The following IPMK variants were observed in gnomAD, a reference collection of about 807,000 sequenced individuals.
IPMK encodes inositol 1,3,4,6-tetrakisphosphate 5-kinase.
Under a neutral mutation model 45.8 loss-of-function variants are expected in IPMK, and 17 were observed. The observed-to-expected ratio is 0.37, with a 90% CI of 0.25 to 0.56. The LOEUF (loss-of-function observed/expected upper bound fraction) is 0.56. Ranked by LOEUF, IPMK falls within the 20% of genes least tolerant of loss-of-function variation. The pLI is 0.79. For synonymous variants in IPMK, 180 were observed against 184.3 expected (o/e 0.98, Z 0.19); for missense variants, 399 against 498.0 (o/e 0.80, Z 1.89).
At chr10:58,234,037 C>A (rs538062323) in intron 2 of IPMK, among the ~76,000 whole-genome samples, 47 of 152,006 alleles carry the variant, frequency 3.1e-4, no homozygotes, top group Non-Finnish European at 5.6e-4. Flanking sequence ...AAACAGAGAG[C>A]CAAATCATGA....
At chr10:58,197,334 A>ATAC (rs1564526560) in intron 5 of IPMK, among the ~76,000 whole-genome samples, 1 of 147,648 alleles carries the variant, frequency 6.8e-6, no homozygotes, top group African/African-American at 2.6e-5. Context: ...TAAATACATA[A>ATAC]ATACATAAAC....
At chr10:58,255,454 C>A (rs1838950811) in intron 1 of IPMK, among the ~76,000 whole-genome samples, 2 of 152,120 alleles carry the variant, frequency 1.3e-5, no homozygotes, top group African/African-American at 4.8e-5. Context: ...GAAATGATTT[C>A]TCTTATCAGT....
intron 2 of IPMK, among the ~76,000 whole-genome samples, chr10:58,237,528 A>C (rs1838631793): frequency 6.6e-6 from 1 of 152,232 alleles, no homozygotes; most frequent in South Asian, 2.1e-4. Flanking sequence ...ACACAGAAGA[A>C]GAATCTAAGA....
rs1409188311 is a variant in IPMK at position 58,196,694 on chromosome 10, G to C, written c.633C>G (p.Val211=). The part of the protein sequence containing the change: ...SLTKETIKDG[V]SRFFHNGYCL... ...AGTACCCATTATGAAAAAATCTGGAGACTCCTATAAAAAGAAAAATATGAG... is the reference window on the plus strand; with the variant it reads ...AGTACCCATTATGAAAAAATCTGGACACTCCTATAAAAAGAAAAATATGAG... The change falls in exon 6 of 6, where the codon GTC becomes GTG. Residue 211 remains valine (V), a synonymous_variant. Coordinates refer to ENST00000373935, the MANE Select transcript of IPMK (RefSeq NM_152230.5). 1.3e-6 allele frequency: 2 copies of C among 1,565,530 alleles called. No homozygotes were observed.
intron 3 of IPMK, among the ~76,000 whole-genome samples, chr10:58,222,138 G>A (rs766352485): frequency 2.6e-5 from 4 of 152,048 alleles, no homozygotes; most frequent in Non-Finnish European, 5.9e-5. Flanking sequence ...TCCTACCTTC[G>A]CCTCCCAAAG....
chr10:58,202,562 G>T (rs1019566428), intron 4 of IPMK, among the ~76,000 whole-genome samples: 1 of 152,286 alleles, frequency 6.6e-6, no homozygotes, highest in South Asian at 2.1e-4. Context: ...CTACTTGAGA[G>T]GCTGAGGTGG....
At chr10:58,256,469 T>C (rs1838969193) in intron 1 of IPMK, among the ~76,000 whole-genome samples, 2 of 152,210 alleles carry the variant, frequency 1.3e-5, no homozygotes, top group African/African-American at 4.8e-5. Context: ...AAGATGTTTA[T>C]CAAGACAATG....
intron 1 of IPMK, among the ~76,000 whole-genome samples, chr10:58,245,927 C>T (rs191349138): frequency 3.4e-4 from 48 of 141,196 alleles, no homozygotes; most frequent in Non-Finnish European, 5.4e-4. Context: ...CCCAAATCTC[C>T]GTAAGCTGAT....
At chr10:58,223,286 T>TA (rs950053327) in intron 3 of IPMK, among the ~76,000 whole-genome samples, 4 of 152,006 alleles carry the variant, frequency 2.6e-5, no homozygotes, top group East Asian at 1.9e-4. Flanking sequence ...GTGTTAGGTA[T>TA]AAAAAAAATT....
intron 2 of IPMK, among the ~76,000 whole-genome samples, chr10:58,229,123 T>C (rs1415366194): frequency 4.6e-5 from 7 of 152,132 alleles, no homozygotes; most frequent in Non-Finnish European, 1.0e-4. Flanking sequence ...CCAAGAATGC[T>C]GGCAGCTAAG....
chr10:58,216,457 T>C (rs1838245685), intron 3 of IPMK, 140 bp from the exon 4 acceptor site: 1 of 428,704 alleles, frequency 2.3e-6, no homozygotes, highest in Non-Finnish European at 4.0e-6. Context: ...TATTCTTAAC[T>C]CTACCTAAAA....
chr10:58,253,994 T>A (rs927562110), intron 1 of IPMK, among the ~76,000 whole-genome samples: 3 of 152,148 alleles, frequency 2.0e-5, no homozygotes, highest in Admixed American at 2.0e-4. Flanking sequence ...GCTTATTTGA[T>A]TATAATGTGC....
intron 1 of IPMK, 105 bp downstream of exon 1, chr10:58,267,317 C>A: frequency 8.8e-7 from 1 of 1,141,644 alleles, no homozygotes; most frequent in South Asian, 1.3e-5. Flanking sequence ...GGCGTGCACA[C>A]CAGGGGGGCG....
chr10:58,211,539 T>C (rs919573142), intron 4 of IPMK, among the ~76,000 whole-genome samples: 1 of 151,850 alleles, frequency 6.6e-6, no homozygotes, highest in Non-Finnish European at 1.5e-5. Context: ...GGTGATTCCA[T>C]TTACTGAGAC....
chr10:58,239,154 AT>A (rs1260329260), intron 1 of IPMK, among the ~76,000 whole-genome samples: 1 of 152,166 alleles, frequency 6.6e-6, no homozygotes, highest in Non-Finnish European at 1.5e-5. Context: ...CTCTCTAAAA[AT>A]ATTTGTTCAA....
At chr10:58,253,037 T>A (rs1224019102) in intron 1 of IPMK, among the ~76,000 whole-genome samples, 1 of 152,174 alleles carries the variant, frequency 6.6e-6, no homozygotes, top group Non-Finnish European at 1.5e-5. Flanking sequence ...AATCTTACCT[T>A]GAATTGTAGT....
intron 1 of IPMK, among the ~76,000 whole-genome samples, chr10:58,263,776 G>T (rs1358419451): frequency 6.6e-6 from 1 of 152,198 alleles, no homozygotes; most frequent in Non-Finnish European, 1.5e-5. Flanking sequence ...GGCAGCTATT[G>T]TTGGCCTCCA....
At chr10:58,204,624 T>C (rs1170246876) in intron 4 of IPMK, among the ~76,000 whole-genome samples, 1 of 151,994 alleles carries the variant, frequency 6.6e-6, no homozygotes, top group African/African-American at 2.4e-5. Context: ...TGAGACACAG[T>C]CTCCACAAAA....
intron 1 of IPMK, among the ~76,000 whole-genome samples, chr10:58,258,640 T>C (rs1177858641): frequency 6.6e-6 from 1 of 152,066 alleles, no homozygotes; most frequent in African/African-American, 2.4e-5. Flanking sequence ...AAATTCACAA[T>C]GGAAATTAGA....
Sources: gnomAD v4.1 joint callset for allele counts (sites outside exome capture counted in the v4.1 genomes callset) on GRCh38, gnomAD v4.1.1 for gene constraint, MANE v1.5 for transcripts, NCBI Gene and HGNC (gene_info 2026-07-23, HGNC 2026-07-21) for gene names.